The following PAK3 variants were observed in gnomAD, a reference collection of about 807,000 sequenced individuals.
PAK3 encodes the protein p21 (RAC1) activated kinase 3, also known as serine/threonine-protein kinase PAK 3.
PAK3 carries 4 observed loss-of-function variants against 41.0 expected under a neutral mutation model. The ratio of observed to expected loss-of-function variants is 0.10; its 90% confidence interval spans 0.05 to 0.22. The LOEUF is 0.22. Ranked by LOEUF, PAK3 falls within the 10% of genes least tolerant of loss-of-function variation. PAK3 has a pLI of 1.00. For synonymous variants in PAK3, 146 were observed against 139.6 expected (o/e 1.05, Z -0.32); for missense variants, 205 against 409.9 (o/e 0.50, Z 4.32).
In PAK3 at chrX:110,988,484, C is replaced by T. The variant is rs1457970477; in HGVS notation, c.-28+43856C>T. ...ATTTATAATATAGTTGTATATACAT[C>T]GTTTGTGTGTATGTGTATATATATA... On this transcript the variant is annotated intron_variant, in intron 1 of 14. Coordinates refer to the PAK3 transcript ENST00000425146. 4.5e-5 allele frequency among the ~76,000 whole-genome samples: 5 copies of T among 111,877 alleles called. No homozygotes were observed. In the South Asian group the frequency reaches 1.1e-3, roughly 25 times the overall value.
At chrX:111,087,511 C>T (rs1216244277) in intron 1 of PAK3, among the ~76,000 whole-genome samples, 1 of 109,776 alleles carries the variant, frequency 9.1e-6, no homozygotes, top group East Asian at 2.9e-4. Context: ...CTATCAAACA[C>T]ATCTTCCATG....
intron 1 of PAK3, among the ~76,000 whole-genome samples, chrX:111,040,014 G>T (rs1355365282): frequency 1.2e-5 from 1 of 81,543 alleles, no homozygotes; most frequent in Non-Finnish European, 2.5e-5. Flanking sequence ...AAAAAAAAAA[G>T]AAGAATCAAA....
At chrX:111,111,409 T>C (rs948251990) in intron 4 of PAK3, among the ~76,000 whole-genome samples, 14 of 112,236 alleles carry the variant, frequency 1.2e-4, no homozygotes, top group African/African-American at 4.5e-4. Context: ...GTCACTGGTT[T>C]TATCCTCTTA....
At chrX:111,189,782 C>A (rs762147839) in intron 11 of PAK3, among the ~76,000 whole-genome samples, 2 of 111,417 alleles carry the variant, frequency 1.8e-5, no homozygotes, top group African/African-American at 3.3e-5. Context: ...GGACTTATTG[C>A]GGCTGAAATA....
At chrX:110,973,211 G>A (rs943666077) in intron 1 of PAK3, among the ~76,000 whole-genome samples, 3 of 111,103 alleles carry the variant, frequency 2.7e-5, no homozygotes, top group African/African-American at 9.9e-5. Flanking sequence ...GAAATACAGA[G>A]AACATCACAA....
At chrX:111,200,293 G>C (rs1397781245) in intron 16 of PAK3, among the ~76,000 whole-genome samples, 1 of 111,852 alleles carries the variant, frequency 8.9e-6, no homozygotes, top group Non-Finnish European at 1.9e-5. Flanking sequence ...TTGTATTTGG[G>C]AACTGCATTC....
chrX:110,954,566 G>A (rs746396455), intron 1 of PAK3, among the ~76,000 whole-genome samples: 6 of 111,663 alleles, frequency 5.4e-5, no homozygotes, highest in Non-Finnish European at 1.1e-4. Context: ...TTACACCAAA[G>A]GGGAATGTAT....
chrX:111,048,734 C>T (rs976770245), intron 1 of PAK3, among the ~76,000 whole-genome samples: 1 of 112,381 alleles, frequency 8.9e-6, no homozygotes, highest in Admixed American at 9.4e-5. Context: ...CCACTGCTCC[C>T]ACCTGGCCCA....
chrX:111,065,752 T>C (rs1368847763), intron 1 of PAK3, among the ~76,000 whole-genome samples: 1 of 111,691 alleles, frequency 9.0e-6, no homozygotes, highest in Non-Finnish European at 1.9e-5. Flanking sequence ...TATTAATCTT[T>C]TCAGGGTTCC....
intron 1 of PAK3, among the ~76,000 whole-genome samples, chrX:110,972,555 T>A (rs1416557969): frequency 8.9e-6 from 1 of 111,959 alleles, no homozygotes; most frequent in Non-Finnish European, 1.9e-5. Context: ...ACCCCATCTG[T>A]AGGTCACCAA....
intron 8 of PAK3, among the ~76,000 whole-genome samples, chrX:111,153,760 G>A (rs1022133475): frequency 1.8e-5 from 2 of 111,352 alleles, no homozygotes; most frequent in African/African-American, 6.5e-5. Flanking sequence ...AATTAAAAAT[G>A]GTATTAACCA....
chrX:110,971,690 A>G (rs982588593), intron 1 of PAK3, among the ~76,000 whole-genome samples: 3 of 112,158 alleles, frequency 2.7e-5, no homozygotes, highest in African/African-American at 9.7e-5. Context: ...AATGATGTCC[A>G]GTAGTTTATT....
At chrX:110,993,291 C>T (rs1402920227) in intron 1 of PAK3, among the ~76,000 whole-genome samples, 1 of 111,674 alleles carries the variant, frequency 9.0e-6, no homozygotes, top group African/African-American at 3.3e-5. Flanking sequence ...TGAAGCCACA[C>T]TTCCCCTATT....
intron 1 of PAK3, among the ~76,000 whole-genome samples, chrX:111,057,375 G>T (rs1183539527): frequency 1.8e-5 from 2 of 111,848 alleles, no homozygotes; most frequent in Non-Finnish European, 3.8e-5. Flanking sequence ...AAGGTTCCAT[G>T]TCTGTTTTAT....
At chrX:111,181,009 A>G (rs2094456407) in intron 11 of PAK3, among the ~76,000 whole-genome samples, 1 of 111,896 alleles carries the variant, frequency 8.9e-6, no homozygotes, top group Non-Finnish European at 1.9e-5. Flanking sequence ...CACACCATCA[A>G]TAATGTATGA....
At chrX:110,955,211 C>A (rs768851430) in intron 1 of PAK3, among the ~76,000 whole-genome samples, 1 of 112,205 alleles carries the variant, frequency 8.9e-6, no homozygotes, top group South Asian at 3.8e-4. Flanking sequence ...CATCCTTAAA[C>A]CCTAACCTAA....
chrX:111,061,433 T>G, intron 1 of PAK3, among the ~76,000 whole-genome samples: 1 of 112,343 alleles, frequency 8.9e-6, no homozygotes, highest in Non-Finnish European at 1.9e-5. Context: ...AAGTATCTCA[T>G]ATATTTTTAA....
intron 8 of PAK3, among the ~76,000 whole-genome samples, chrX:111,159,056 G>A (rs963258502): frequency 9.0e-6 from 1 of 110,944 alleles, no homozygotes; most frequent in Non-Finnish European, 1.9e-5. Context: ...ATATTAAAGG[G>A]CCCCCATACT....
intron 1 of PAK3, among the ~76,000 whole-genome samples, chrX:111,064,343 A>G (rs899487726): frequency 1.1e-4 from 12 of 110,866 alleles, no homozygotes; most frequent in African/African-American, 3.9e-4. Flanking sequence ...CAGGTTTGTT[A>G]TCTGGGTATA....
Sources: allele counts gnomAD v4.1 joint callset (sites outside exome capture counted in the v4.1 genomes callset), GRCh38; gene constraint gnomAD v4.1.1; transcripts MANE v1.5; gene names NCBI Gene and HGNC (gene_info 2026-07-23, HGNC 2026-07-21).